The following ARID2 variants were observed in gnomAD, a reference collection of about 807,000 sequenced individuals.
ARID2 encodes AT-rich interactive domain-containing protein 2.
ARID2 carries 32 observed loss-of-function variants against 184.6 expected under a neutral mutation model. The ratio of observed to expected loss-of-function variants is 0.17; its 90% confidence interval spans 0.13 to 0.23. The LOEUF (loss-of-function observed/expected upper bound fraction) is 0.23. Ranked by LOEUF, ARID2 falls within the 10% of genes least tolerant of loss-of-function variation. ARID2 has a pLI of 1.00. For missense variants in ARID2, 1,696 were observed against 2,197.6 expected, an observed-to-expected ratio of 0.77 and a Z score of 4.56; for synonymous variants, 836 against 772.6, an observed-to-expected ratio of 1.08 and a Z score of -1.36.
At chr12:45,842,667 G>T (rs1592113125) in intron 11 of ARID2, among the ~76,000 whole-genome samples, 1 of 151,536 alleles carries the variant, frequency 6.6e-6, no homozygotes, top group Non-Finnish European at 1.5e-5. Context: ...TGAGGCAGGA[G>T]AATTGCTTGA....
In ARID2 at chr12:45,851,609, C is replaced by G. The variant is rs2138172352; in HGVS notation, c.3486C>G (p.Thr1162=). 1.2e-6 allele frequency: 2 copies of G among 1,614,146 alleles called. No individual in the cohort carries two copies. The highest frequency in any genetic ancestry group is 1.7e-6 in the Non-Finnish European group (2 of 1,180,012). The change falls in exon 15 of 21, where the codon ACC becomes ACG. Residue 1162 remains threonine (T), a synonymous_variant. Coordinates refer to ENST00000334344, the MANE Select transcript of ARID2 (RefSeq NM_152641.4). ...CACTGATCTCAAATAGCCCAGCAAC[C>G]ATTTTCCAAGGGACTTCTGGCAACC... ...PGPLISNSPA[T]IFQGTSGNQV... is the part of the protein sequence containing the mutation.
In ARID2 at chr12:45,846,847, T is replaced by C. The variant is rs571642785; in HGVS notation, c.1499-9T>C. On this transcript the variant is annotated splice_polypyrimidine_tract_variant and intron_variant, in intron 11 of 20. Transcript: ENST00000334344. Reference sequence around the variant, plus strand: ...AGAAATGATGTAGCTAATGTATTTTTTTCTTTAGCTTCCAGAGCAGTTGTA... The same window carrying C: ...AGAAATGATGTAGCTAATGTATTTTCTTCTTTAGCTTCCAGAGCAGTTGTA... 4.9e-5 allele frequency: 79 copies of C among 1,612,032 alleles called. No individual in the cohort carries two copies. In the East Asian group the frequency reaches 1.7e-3, roughly 36 times the overall value.
chr12:45,896,603 TG>T (rs1222684308), intron 20 of ARID2, among the ~76,000 whole-genome samples: 1 of 152,220 alleles, frequency 6.6e-6, no homozygotes, highest in Non-Finnish European at 1.5e-5. Context: ...CCCAGCCACG[TG>T]GAACTAAAAG....
intron 4 of ARID2, among the ~76,000 whole-genome samples, chr12:45,813,648 C>G (rs1942753954): frequency 6.6e-6 from 1 of 151,904 alleles, no homozygotes; most frequent in Non-Finnish European, 1.5e-5. Context: ...AAAAGCTGTT[C>G]TAAAATATTT....
rs774575389 is a variant in ARID2 at position 45,850,283 on chromosome 12, G to A, written c.2160G>A (p.Gln720=). The A allele has an allele frequency of 3.7e-6, 6 of 1,614,088 alleles. No homozygotes were observed. The South Asian group carries it at 6.6e-5, about 18-fold the overall frequency. The change falls in exon 15 of 21, where the codon CAG becomes CAA. Residue 720 remains glutamine (Q), a synonymous_variant. Coordinates refer to ENST00000334344, the MANE Select transcript of ARID2 (RefSeq NM_152641.4). ...AAGTTGTTAAGGCTACAGTTATCCA[G>A]AATTCCATACCCCAGACAGGAGTTC... is the stretch of plus-strand genomic sequence containing the variant. The part of the protein sequence containing the change: ...PCEVVKATVI[Q]NSIPQTGVPV...
chr12:45,787,670 C>T (rs1942221447), intron 3 of ARID2, among the ~76,000 whole-genome samples: 1 of 152,028 alleles, frequency 6.6e-6, no homozygotes, highest in Admixed American at 6.6e-5. Context: ...TATTTAACTA[C>T]CTAAACCTTA....
intron 20 of ARID2, chr12:45,904,365 G>C: frequency 1.4e-6 from 1 of 716,012 alleles, no homozygotes; most frequent in Middle Eastern, 2.3e-4. Context: ...GATTGAAAAA[G>C]AATTTTGCTG....
chr12:45,815,599 TTGTGTGTG>T (rs376716014), intron 4 of ARID2, among the ~76,000 whole-genome samples: 6 of 149,736 alleles, frequency 4.0e-5, no homozygotes, highest in Admixed American at 6.7e-5. Flanking sequence ...CTTAAAGAGA[TTGTGTGTG>T]TGTGTGTGTG....
rs750746147 is a variant in ARID2 at position 45,836,743 on chromosome 12, G to A, written c.775G>A (p.Gly259Ser). 1.2e-6 allele frequency: 2 copies of A among 1,610,506 alleles called. No individual in the cohort carries two copies. The highest frequency in any genetic ancestry group is 1.7e-6 in the Non-Finnish European group (2 of 1,177,946). ...GAAATATGTATTTTCTATTGTAGAA[G>A]GTACATCAGGAGAATGGATTTGGGA... is the stretch of plus-strand genomic sequence containing the variant. ...LISDRNKSHE[G>S]TSGEWIWESL... The change falls in exon 8 of 21, where the codon GGT (glycine) becomes AGT (serine). Residue 259 changes from glycine (G) to serine (S), a missense_variant and splice_region_variant. Around this residue, in one of 11 missense-constraint regions of ARID2, gnomAD observed 148 missense variants for 285.4 expected, o/e 0.52. Transcript: ENST00000334344.
Position 45,817,672 on chromosome 12 carries a change from T to A in ARID2, c.421T>A (p.Tyr141Asn). The A allele has an allele frequency of 1.2e-6, 2 of 1,604,642 alleles. No individual in the cohort carries two copies. The highest frequency in any genetic ancestry group is 8.5e-7 in the Non-Finnish European group (1 of 1,178,002). Reference sequence around the variant, plus strand: ...AAGGTATTTTTTTTCTTTGTTAGATTATCTGCGTCAAAGTTATGGGCTGTC... The same window carrying A: ...AAGGTATTTTTTTTCTTTGTTAGATAATCTGCGTCAAAGTTATGGGCTGTC... Reference protein sequence around the residue: ...YNYQQHSVSDYLRQSYGLSMD... With the variant: ...YNYQQHSVSDNLRQSYGLSMD... Residue 141 changes from tyrosine to asparagine, a missense_variant and splice_region_variant, in exon 5 of 21, where the codon TAT becomes AAT. By Grantham distance (143) the Tyr-to-Asn change is moderately radical. Around this residue, in one of 11 missense-constraint regions of ARID2, gnomAD observed 148 missense variants for 285.4 expected, o/e 0.52. Transcript: ENST00000334344.
chr12:45,790,432 T>C (rs1289292126), intron 3 of ARID2, among the ~76,000 whole-genome samples: 3 of 152,162 alleles, frequency 2.0e-5, no homozygotes, highest in Non-Finnish European at 4.4e-5. Flanking sequence ...CTGACACCTT[T>C]ATAATATTAA....
At chr12:45,825,296 A>G (rs1455605460) in intron 6 of ARID2, among the ~76,000 whole-genome samples, 1 of 152,206 alleles carries the variant, frequency 6.6e-6, no homozygotes, top group African/African-American at 2.4e-5. Flanking sequence ...CATATCCCAA[A>G]TACCATTATT....
intron 16 of ARID2, among the ~76,000 whole-genome samples, chr12:45,871,553 T>G (rs972119099): frequency 3.9e-5 from 6 of 152,168 alleles, no homozygotes; most frequent in African/African-American, 1.4e-4. Context: ...CATGCAAGAT[T>G]CTGGGATGTA....
At chr12:45,800,885 G>A (rs1942485746) in intron 3 of ARID2, among the ~76,000 whole-genome samples, 1 of 152,134 alleles carries the variant, frequency 6.6e-6, no homozygotes, top group Non-Finnish European at 1.5e-5. Flanking sequence ...GCATTTGACT[G>A]AATAACGATA....
rs1296987631 is a variant in ARID2 at position 45,905,546 on chromosome 12, A to C, written c.*468A>C. On this transcript the variant is annotated 3_prime_UTR_variant, in exon 21 of 21. Coordinates refer to ENST00000334344, the MANE Select transcript of ARID2 (RefSeq NM_152641.4). ...AATTTAAAAAAGTTTCAGCACACCT[A>C]TACCCCCGATCTCAGAGGGGGCCAC... 4 of 233,376 alleles carry C rather than the reference A, an allele frequency of 1.7e-5. No individual in the cohort carries two copies. Among genetic ancestry groups the C allele is most frequent in the Admixed American group, 1.1e-4 (2 of 17,790 alleles). The allele number at this position is 233,376 out of a possible 1,614,324, so 14.5% of individuals were successfully genotyped here. A position where few individuals can be genotyped will look rare whatever the true frequency, so the allele number is the denominator to read the frequency against.
intron 4 of ARID2, among the ~76,000 whole-genome samples, chr12:45,813,339 A>G (rs768344708): frequency 4.6e-5 from 7 of 152,084 alleles, no homozygotes; most frequent in African/African-American, 7.2e-5. Flanking sequence ...ACATCATGAC[A>G]GTATTCTAAA....
At chr12:45,764,675 A>G (rs971934121) in intron 3 of ARID2, among the ~76,000 whole-genome samples, 3 of 152,246 alleles carry the variant, frequency 2.0e-5, no homozygotes, top group African/African-American at 7.2e-5. Context: ...ATTTATACAT[A>G]GTGCCTCTAT....
chr12:45,839,367 T>C lies in ARID2; in HGVS notation c.1369T>C (p.Phe457Leu). ...TCTGGTTTCTATGGATATTCAGATGTTTGGCCCTGATGCACTAGCTGCGGT... is the reference window on the plus strand; with the variant it reads ...TCTGGTTTCTATGGATATTCAGATGCTTGGCCCTGATGCACTAGCTGCGGT... The part of the protein sequence containing the change: ...VCLVSMDIQM[F>L]GPDALAAVKL... Residue 457 changes from phenylalanine to leucine, a missense_variant, in exon 11 of 21, where the codon TTT (phenylalanine) becomes CTT (leucine). Phe to Leu is a conservative substitution (Grantham distance 22). Around this residue, in one of 11 missense-constraint regions of ARID2, gnomAD observed 86 missense variants for 200.8 expected, o/e 0.43. Transcript: ENST00000334344. 1 of 1,613,668 alleles carries C rather than the reference T, an allele frequency of 6.2e-7. No individual in the cohort carries two copies. Among genetic ancestry groups the C allele is most frequent in the Non-Finnish European group, 8.5e-7 (1 of 1,179,896 alleles).
At chr12:45,854,319 ACC>A (rs1179936540) in intron 15 of ARID2, among the ~76,000 whole-genome samples, 1 of 152,112 alleles carries the variant, frequency 6.6e-6, no homozygotes, top group Non-Finnish European at 1.5e-5. Context: ...CGCTTGTATC[ACC>A]CCAAAACCAT....
Sources: gnomAD v4.1 joint callset for allele counts (sites outside exome capture counted in the v4.1 genomes callset) on GRCh38, gnomAD v4.1.1 for gene constraint, gnomAD v4.1.1 regional missense constraint, MANE v1.5 for transcripts, NCBI Gene and HGNC (gene_info 2026-07-23, HGNC 2026-07-21) for gene names.